Variants in HRH2 observed in about 807,000 individuals in gnomAD.
HRH2 encodes the protein histamine receptor H2.
HRH2 carries 4 observed loss-of-function variants against 20.1 expected under a neutral mutation model. That is an observed-to-expected ratio of 0.20 (90% CI 0.10 to 0.45). The LOEUF is 0.45. Among genes scored for constraint, HRH2 ranks in the 20% least tolerant of loss-of-function variants. The probability of loss-of-function intolerance (pLI) is 0.99; values close to 1 mark genes in which losing one functional copy is unlikely to be tolerated. For missense variants in HRH2, 250 were observed against 461.6 expected, an observed-to-expected ratio of 0.54 and a Z score of 4.20; for synonymous variants, 197 against 200.7, an observed-to-expected ratio of 0.98 and a Z score of 0.16.
chr5:175,665,766 T>C (rs536636751), intron 1 of HRH2, among the ~76,000 whole-genome samples: 1 of 152,174 alleles, frequency 6.6e-6, no homozygotes, highest in South Asian at 2.1e-4. Context: ...AAAGCGATTA[T>C]AAAATGGGCA....
intron 1 of HRH2, among the ~76,000 whole-genome samples, chr5:175,666,944 A>C (rs1158991925): frequency 6.6e-6 from 1 of 152,128 alleles, no homozygotes; most frequent in Non-Finnish European, 1.5e-5. Flanking sequence ...ATCCCTGCTC[A>C]AAAAATAGAA....
At chr5:175,682,545 A>G (rs1756020937) in intron 1 of HRH2, among the ~76,000 whole-genome samples, 164 bp from the exon 2 acceptor site, 1 of 151,976 alleles carries the variant, frequency 6.6e-6, no homozygotes, top group Admixed American at 6.6e-5. Flanking sequence ...CCCAGTATGT[A>G]TCCTGATTGC....
intron 2 of HRH2, chr5:175,685,561 G>A: frequency 7.5e-7 from 1 of 1,338,272 alleles, no homozygotes; most frequent in Non-Finnish European, 1.0e-6. Context: ...GATTTTTTGG[G>A]TTTATGGTGA....
intron 1 of HRH2, among the ~76,000 whole-genome samples, chr5:175,676,693 G>A (rs937502806): frequency 1.8e-4 from 27 of 152,218 alleles, no homozygotes; most frequent in African/African-American, 6.3e-4. Context: ...CCCAAATAAT[G>A]TATATCGTAC....
chr5:175,687,299 C>T lies in HRH2; in HGVS notation c.1076+2990C>T, dbSNP rs1328483568. On this transcript the variant is annotated intron_variant, in intron 2 of 2. Transcript: ENST00000636584. The surrounding 1 kb of genome is among the most constrained non-coding windows in gnomAD (Gnocchi z 5.2). The stretch of plus-strand genomic sequence containing the variant: ...ATAAGCTCGGCTGCCAGTTTCCCTG[C>T]TGGCTGATAGCATGTCCTCCAGCTC... Among the ~76,000 whole-genome samples, 1 of 152,188 alleles carries T rather than the reference C, an allele frequency of 6.6e-6. No homozygotes were observed. Among genetic ancestry groups the T allele is most frequent in the Non-Finnish European group, 1.5e-5 (1 of 68,018 alleles).
chr5:175,668,384 C>T (rs1457458791), intron 1 of HRH2, among the ~76,000 whole-genome samples: 1 of 152,096 alleles, frequency 6.6e-6, no homozygotes, highest in Non-Finnish European at 1.5e-5. Flanking sequence ...AGGCAGAGAC[C>T]CCCCCAGCTG....
At chr5:175,673,065 T>G (rs1194717034) in intron 1 of HRH2, among the ~76,000 whole-genome samples, 1 of 151,936 alleles carries the variant, frequency 6.6e-6, no homozygotes, top group African/African-American at 2.4e-5. Context: ...GAGCCAGTGG[T>G]AAGAGCGTGT....
Position 175,684,182 on chromosome 5 carries a change from C to T in HRH2, c.949C>T (p.Leu317=), listed in dbSNP as rs752096040. 5.0e-6 allele frequency: 8 copies of T among 1,614,066 alleles called. No homozygotes were observed. The highest frequency in any genetic ancestry group is 6.8e-6 in the Non-Finnish European group (8 of 1,180,042). Residue 317 remains leucine (L), a synonymous_variant, in exon 2 of 3, where the codon CTG becomes TTG. Coordinates refer to ENST00000636584, the MANE Select transcript of HRH2 (RefSeq NM_001367711.1). ...LANRNSHKTS[L]RSNASQLSRT... is the part of the protein sequence containing the mutation. ...CAACCGCAACTCCCACAAAACTTCT[C>T]TGAGGTCCAACGCCTCTCAGCTGTC...
chr5:175,705,494 A>T (rs191612083), intron 2 of HRH2, among the ~76,000 whole-genome samples: 89 of 151,550 alleles, frequency 5.9e-4, no homozygotes, highest in African/African-American at 2.1e-3. Flanking sequence ...CTTTTTTTAA[A>T]AAATTATGGC....
chr5:175,673,696 GT>G (rs557373402), intron 1 of HRH2, among the ~76,000 whole-genome samples: 109 of 141,376 alleles, frequency 7.7e-4, no homozygotes, highest in African/African-American at 1.7e-3. Context: ...TTTCACCTCA[GT>G]TTTTTTTTTT....
At chr5:175,702,836 G>C (rs1032566356) in intron 2 of HRH2, among the ~76,000 whole-genome samples, 4 of 151,326 alleles carry the variant, frequency 2.6e-5, no homozygotes, top group Non-Finnish European at 5.9e-5. Flanking sequence ...CAAAGTGCTG[G>C]GATTACAGGC....
chr5:175,674,345 G>A (rs190531369), intron 1 of HRH2, among the ~76,000 whole-genome samples: 4 of 152,280 alleles, frequency 2.6e-5, no homozygotes, highest in South Asian at 4.1e-4. Context: ...TGACAATCTC[G>A]CTATGCAGAT....
chr5:175,694,750 T>G (rs1372163500), intron 2 of HRH2, among the ~76,000 whole-genome samples: 1 of 152,154 alleles, frequency 6.6e-6, no homozygotes, highest in Non-Finnish European at 1.5e-5. Flanking sequence ...AAGTGGAGCA[T>G]AGCCTCTGTG....
At position 175,679,034 on chromosome 5, in the gene HRH2, G is replaced by T. The variant is rs555503978; in HGVS notation, c.-525-3675G>T. ...TCTTCTGGGGTTTCATGAGTTGGGG[G>T]CAGTGAGAGGGAGGCTGTGGCATCA... is the stretch of plus-strand genomic sequence containing the variant. On this transcript the variant is annotated intron_variant, in intron 1 of 2. Transcript: ENST00000636584. Among the ~76,000 whole-genome samples the T allele has an allele frequency of 8.5e-5, 13 of 152,280 alleles. No individual in the cohort carries two copies. In the East Asian group the frequency reaches 2.3e-3, roughly 27 times the overall value.
intron 2 of HRH2, among the ~76,000 whole-genome samples, chr5:175,685,031 T>G (rs1756121734): frequency 6.6e-6 from 1 of 152,114 alleles, no homozygotes; most frequent in Non-Finnish European, 1.5e-5. Flanking sequence ...GTTGTGGCAC[T>G]GACTCATGAG....
In HRH2 at chr5:175,662,250, G is replaced by A. The variant is rs1015423866; in HGVS notation, c.-526+4095G>A. ...TTCACCAGGTGAGCCAGGGAGGTTG[G>A]AAAGATGGTTCTCAACTGGAGACAT... On this transcript the variant is annotated intron_variant, in intron 1 of 2. Coordinates refer to ENST00000636584, the MANE Select transcript of HRH2 (RefSeq NM_001367711.1). Among the ~76,000 whole-genome samples, 4 of 152,134 alleles carry A rather than the reference G, an allele frequency of 2.6e-5. No homozygotes were observed. In the South Asian group the frequency reaches 8.3e-4, roughly 32 times the overall value.
chr5:175,690,461 C>T (rs1191969890), intron 2 of HRH2, among the ~76,000 whole-genome samples: 1 of 152,216 alleles, frequency 6.6e-6, no homozygotes, highest in Non-Finnish European at 1.5e-5. Context: ...TAGCATCATT[C>T]CTGGCATGTG....
At chr5:175,670,870 A>G (rs1755507363) in intron 1 of HRH2, among the ~76,000 whole-genome samples, 1 of 152,242 alleles carries the variant, frequency 6.6e-6, no homozygotes, top group Non-Finnish European at 1.5e-5. Flanking sequence ...GGCCATATCC[A>G]GATTTGGGCC....
chr5:175,707,533 T>A (rs1349807801), intron 2 of HRH2, among the ~76,000 whole-genome samples: 1 of 152,232 alleles, frequency 6.6e-6, no homozygotes, highest in Non-Finnish European at 1.5e-5. Flanking sequence ...GCACACAACA[T>A]GTTAGAAACA....
Sources: gnomAD v4.1 joint callset for allele counts (sites outside exome capture counted in the v4.1 genomes callset) on GRCh38, gnomAD v4.1.1 for gene constraint, Gnocchi (gnomAD v3.1) non-coding constraint, MANE v1.5 for transcripts, NCBI Gene and HGNC (gene_info 2026-07-23, HGNC 2026-07-21) for gene names.